The following FCRL2 variants were observed in gnomAD, a reference collection of about 807,000 sequenced individuals.
FCRL2 encodes Fc receptor-like protein 2.
Under a neutral mutation model 59.8 loss-of-function variants are expected in FCRL2, and 48 were observed. That is an observed-to-expected ratio of 0.80 (90% CI 0.64 to 1.02). The LOEUF is 1.02. Ranked by LOEUF, FCRL2 falls within the 50% of genes least tolerant of loss-of-function variation. FCRL2 has a pLI of 0.00. For synonymous variants in FCRL2, 251 were observed against 229.5 expected (o/e 1.09, Z -0.85); for missense variants, 658 against 597.3 (o/e 1.10, Z -1.06).
chr1:157,774,335 A>G (rs1650248190), intron 2 of FCRL2: 1 of 412,082 alleles, frequency 2.4e-6, no homozygotes. Flanking sequence ...TTCAGAGGCC[A>G]AGTGACTGCC....
rs545364147 is a variant in FCRL2 at position 157,754,022 on chromosome 1, A to T, written c.1280-4345T>A. On this transcript the variant is annotated intron_variant, in intron 7 of 11. Transcript: ENST00000361516. ...ATAGAAATAATGAAATAGCTATCTGAAAAAAAAGATTAGATTCTAGTTCAG... is the reference window on the plus strand; with the variant it reads ...ATAGAAATAATGAAATAGCTATCTGTAAAAAAAGATTAGATTCTAGTTCAG... Among the ~76,000 whole-genome samples, 17 of 152,222 alleles carry T rather than the reference A, an allele frequency of 1.1e-4. No individual in the cohort carries two copies. In the South Asian group the frequency reaches 3.5e-3, roughly 32 times the overall value.
At chr1:157,771,933 C>T (rs1650050454) in intron 2 of FCRL2, among the ~76,000 whole-genome samples, 1 of 151,750 alleles carries the variant, frequency 6.6e-6, no homozygotes, top group Non-Finnish European at 1.5e-5. Flanking sequence ...AAATCTGTGG[C>T]ATTTGGAGGT....
intron 6 of FCRL2, 120 bp from the exon 7 acceptor site, chr1:157,767,091 C>A: frequency 3.8e-6 from 5 of 1,322,698 alleles, no homozygotes; most frequent in Non-Finnish European, 5.3e-6. Flanking sequence ...GTAGTCTGTA[C>A]TCTTCAGGTT....
chr1:157,768,390 G>T (rs1042103471), intron 5 of FCRL2, 24 bp downstream of exon 5: 3 of 1,601,326 alleles, frequency 1.9e-6, no homozygotes, highest in Non-Finnish European at 1.7e-6. Flanking sequence ...ATTTCTGGAA[G>T]ATATGAATGA....
intron 10 of FCRL2, among the ~76,000 whole-genome samples, chr1:157,747,280 T>C (rs1647821751): frequency 6.6e-6 from 1 of 152,320 alleles, no homozygotes; most frequent in East Asian, 1.9e-4. Context: ...GAAATTGGAA[T>C]AGAAGCATAG....
chr1:157,772,212 T>C (rs940485024), intron 2 of FCRL2, among the ~76,000 whole-genome samples: 7 of 151,676 alleles, frequency 4.6e-5, no homozygotes, highest in Non-Finnish European at 1.0e-4. Context: ...ACAGGAAAGA[T>C]TCCTGTAGAG....
intron 7 of FCRL2, chr1:157,766,484 T>A (rs12090980): frequency 0.021 from 3,913 of 188,652 alleles, 125 homozygotes; most frequent in African/African-American, 0.081. Flanking sequence ...AAAAAAAAAA[T>A]TTTTTTTGTG....
At chr1:157,757,122 G>C (rs556942655) in intron 7 of FCRL2, among the ~76,000 whole-genome samples, 2 of 152,236 alleles carry the variant, frequency 1.3e-5, no homozygotes, top group African/African-American at 4.8e-5. Context: ...CTTGCATTTG[G>C]TTATGACCAT....
chr1:157,775,705 A>G, intron 2 of FCRL2, 70 bp downstream of exon 2: 2 of 1,562,086 alleles, frequency 1.3e-6, no homozygotes, highest in Non-Finnish European at 1.8e-6. Flanking sequence ...AGCCACCTCT[A>G]TAGAATCCTG....
chr1:157,761,226 TA>T (rs1649082133), intron 7 of FCRL2, among the ~76,000 whole-genome samples: 1 of 152,188 alleles, frequency 6.6e-6, no homozygotes, highest in African/African-American at 2.4e-5. Context: ...GTTTGAGGCA[TA>T]GTAGTCAGGC....
intron 7 of FCRL2, among the ~76,000 whole-genome samples, chr1:157,760,533 C>G: frequency 6.6e-6 from 1 of 151,234 alleles, no homozygotes; most frequent in East Asian, 1.9e-4. Context: ...GAGGCTGAGG[C>G]GAGAAAATCG....
intron 7 of FCRL2, among the ~76,000 whole-genome samples, chr1:157,755,543 A>G (rs1253461298): frequency 6.6e-6 from 1 of 152,210 alleles, no homozygotes; most frequent in African/African-American, 2.4e-5. Context: ...CTGTACATGT[A>G]AGAAATGACA....
At chr1:157,760,751 G>GAAAGAAAT (rs1649019841) in intron 7 of FCRL2, among the ~76,000 whole-genome samples, 1 of 147,260 alleles carries the variant, frequency 6.8e-6, no homozygotes, top group African/African-American at 2.6e-5. Flanking sequence ...AAGAAAGAAA[G>GAAAGAAAT]AAAGAAGAAA....
At chr1:157,767,622 C>CCATTCCCA in intron 5 of FCRL2, 113 bp from the exon 6 acceptor site, 2 of 1,613,532 alleles carry the variant, frequency 1.2e-6, no homozygotes, top group Non-Finnish European at 8.5e-7. Flanking sequence ...TGCATATTTT[C>CCATTCCCA]CATTCCCACA....
chr1:157,772,668 G>C (rs551936653), intron 2 of FCRL2, among the ~76,000 whole-genome samples: 13 of 152,288 alleles, frequency 8.5e-5, no homozygotes, highest in African/African-American at 3.1e-4. Flanking sequence ...ATTATTAGCT[G>C]TGTGATACTG....
intron 7 of FCRL2, among the ~76,000 whole-genome samples, chr1:157,758,353 T>G (rs1328445813): frequency 6.6e-6 from 1 of 152,070 alleles, no homozygotes; most frequent in Non-Finnish European, 1.5e-5. Context: ...AAAATAAAAC[T>G]TCCATTGAAC....
chr1:157,750,346 C>A (rs12096234), intron 7 of FCRL2, among the ~76,000 whole-genome samples: 2,702 of 152,322 alleles, frequency 0.018, 71 homozygotes, highest in African/African-American at 0.061. Context: ...ATAGAGGCCA[C>A]CCCAGCTCAA....
Position 157,768,485 on chromosome 1 carries a change from C to T in FCRL2, c.812G>A (p.Gly271Asp). ...EIPAVKESDA[G>D]KYYCRADNGH... ...GTTGTCAGCTCTACAGTAATATTTG[C>T]CGGCATCACTCTCTTTCACAGCTGG... The change falls in exon 5 of 12, where the codon GGC (glycine) becomes GAC (aspartate). Residue 271 changes from glycine (G) to aspartate (D), a missense_variant. Physicochemically the swap from Gly to Asp is moderately conservative, Grantham distance 94. Transcript: ENST00000361516. 1 of 1,614,204 alleles carries T rather than the reference C, an allele frequency of 6.2e-7. No individual in the cohort carries two copies. Among genetic ancestry groups the T allele is most frequent in the Non-Finnish European group, 8.5e-7 (1 of 1,180,032 alleles).
chr1:157,749,658 A>C lies in FCRL2; in HGVS notation c.1299T>G (p.Asn433Lys). ...CTAGGAAGAGTTCTCACCTGGGTTC[A>C]TTAGTGGCAGAACTTTCTCCTGAAA... The part of the protein sequence containing the change: ...HKISGESSAT[N>K]EPRGASRPNP... Residue 433 changes from asparagine (N) to lysine (K), a missense_variant, in exon 8 of 12, where the codon AAT becomes AAG. By Grantham distance (94) the Asn-to-Lys change is moderately conservative. Transcript: ENST00000361516. 1 of 1,609,016 alleles carries C rather than the reference A, an allele frequency of 6.2e-7. No homozygotes were observed. The highest frequency in any genetic ancestry group is 1.1e-5 in the South Asian group (1 of 90,416).
Sources: allele counts gnomAD v4.1 joint callset (sites outside exome capture counted in the v4.1 genomes callset), GRCh38; gene constraint gnomAD v4.1.1; transcripts MANE v1.5; gene names NCBI Gene and HGNC (gene_info 2026-07-23, HGNC 2026-07-21).